NRXN2: variants seen among roughly 807,000 people sequenced by gnomAD.
The protein encoded by NRXN2 is neurexin 2.
A neutral mutation model predicts 128.8 loss-of-function variants in NRXN2; 29 were observed. The ratio of observed to expected loss-of-function variants is 0.23; its 90% CI spans 0.17 to 0.31. The LOEUF (loss-of-function observed/expected upper bound fraction) is 0.31. Among genes scored for constraint, NRXN2 ranks in the 10% least tolerant of loss-of-function variants. The pLI, the probability that NRXN2 is intolerant of heterozygous loss-of-function variation, is 1.00. For missense variants in NRXN2, 1,881 were observed against 2,452.6 expected (o/e 0.77, Z 4.92); for synonymous variants, 1,098 against 1,075.2 (o/e 1.02, Z -0.41).
intron 17 of NRXN2, among the ~76,000 whole-genome samples, chr11:64,638,687 CAATT>C (rs2045201140): frequency 6.6e-6 from 1 of 152,180 alleles, no homozygotes; most frequent in African/African-American, 2.4e-5. Flanking sequence ...TGGTGTAGAC[CAATT>C]GTTTTTGACC....
intron 3 of NRXN2, among the ~76,000 whole-genome samples, chr11:64,696,960 C>T (rs1256205509): frequency 1.3e-5 from 2 of 152,176 alleles, no homozygotes; most frequent in Non-Finnish European, 2.9e-5. Flanking sequence ...CAGAGAATGA[C>T]AGAAACCCAG....
In NRXN2 at chr11:64,607,100, G is replaced by T; in HGVS notation, c.*96C>A. On this transcript the variant is annotated 3_prime_UTR_variant, in exon 23 of 23. Transcript: ENST00000265459. ...GTAAGAGAAGCCTGAGGCAGCCAGG[G>T]AGAGGGTCCCCAGGCCCCTGGCAGG... 7.4e-7 allele frequency: 1 copy of T among 1,353,072 alleles called. No individual in the cohort carries two copies. Among genetic ancestry groups the T allele is most frequent in the African/African-American group, 1.4e-5 (1 of 69,094 alleles). 83.8% of individuals were successfully genotyped at this position (1,353,072 alleles called of 1,614,324 possible). A position where few individuals can be genotyped will look rare whatever the true frequency, so the allele number is the denominator to read the frequency against.
intron 6 of NRXN2, among the ~76,000 whole-genome samples, chr11:64,679,720 G>C (rs189389548): frequency 6.6e-6 from 1 of 152,258 alleles, no homozygotes; most frequent in East Asian, 1.9e-4. Flanking sequence ...AGAGATCCAG[G>C]CTACCTCTTA....
rs940526230 is a variant in NRXN2, at chr11:64,704,643, G to C, written c.731-6851C>G. ...ACACACAGAGAGAGAGAGAGAGAGA[G>C]AGAGAGAGAGAGAGAGAGAGAGAGA... On this transcript the variant is annotated intron_variant, in intron 2 of 22. Transcript: ENST00000265459. Among the ~76,000 whole-genome samples, 409 of 149,792 alleles carry C rather than the reference G, an allele frequency of 2.7e-3. 2 individuals carry two copies. The highest frequency in any genetic ancestry group is 8.3e-3 in the East Asian group (42 of 5,074).
chr11:64,703,982 G>A (rs2055849123), intron 2 of NRXN2, among the ~76,000 whole-genome samples: 1 of 152,166 alleles, frequency 6.6e-6, no homozygotes, highest in African/African-American at 2.4e-5. Context: ...GGCAGCCTAT[G>A]CTCTTACCCA....
intron 3 of NRXN2, among the ~76,000 whole-genome samples, chr11:64,695,912 C>T (rs1018052548): frequency 6.6e-6 from 1 of 152,088 alleles, no homozygotes; most frequent in Admixed American, 6.5e-5. Flanking sequence ...TCCTGTCTAT[C>T]AGCCCCTTTC....
chr11:64,643,410 G>C, intron 17 of NRXN2: 1 of 250,720 alleles, frequency 4.0e-6, no homozygotes, highest in Non-Finnish European at 6.0e-6. Context: ...GGTGAGGGGG[G>C]AATGAAGGGA....
At chr11:64,681,896 G>T (rs986460438) in intron 6 of NRXN2, among the ~76,000 whole-genome samples, 1 of 152,190 alleles carries the variant, frequency 6.6e-6, no homozygotes, top group African/African-American at 2.4e-5. Flanking sequence ...GGGCAGGAAG[G>T]AGAGGAAAGG....
intron 7 of NRXN2, among the ~76,000 whole-genome samples, chr11:64,668,996 C>G (rs1014395687): frequency 6.6e-6 from 1 of 152,118 alleles, no homozygotes; most frequent in Admixed American, 6.5e-5. Context: ...CACTTTTCTT[C>G]TCCTGAAGGT....
chr11:64,682,885 G>A (rs1207705401), intron 6 of NRXN2, among the ~76,000 whole-genome samples: 1 of 152,166 alleles, frequency 6.6e-6, no homozygotes, highest in East Asian at 1.9e-4. Flanking sequence ...AGGAGACACT[G>A]TCTCATCAGG....
chr11:64,674,230 G>T (rs571683914), intron 7 of NRXN2, among the ~76,000 whole-genome samples: 1 of 151,920 alleles, frequency 6.6e-6, no homozygotes, highest in South Asian at 2.1e-4. Context: ...CACTCTTGTT[G>T]CCCAGGCTGG....
intron 22 of NRXN2, among the ~76,000 whole-genome samples, chr11:64,611,503 T>G (rs1440518363): frequency 6.6e-6 from 1 of 152,184 alleles, no homozygotes; most frequent in Non-Finnish European, 1.5e-5. Context: ...TGAGGCCACA[T>G]CCTGCCCTAG....
chr11:64,707,105 G>A (rs1038979827), intron 2 of NRXN2, among the ~76,000 whole-genome samples: 3 of 152,074 alleles, frequency 2.0e-5, no homozygotes, highest in Non-Finnish European at 2.9e-5. Flanking sequence ...GGTCAGGTGC[G>A]GTGGCTCACA....
chr11:64,660,322 G>C lies in NRXN2; in HGVS notation c.2389+10C>G, dbSNP rs1359110117. 1.9e-6 allele frequency: 3 copies of C among 1,612,712 alleles called. No individual in the cohort carries two copies. Among genetic ancestry groups the C allele is most frequent in the Admixed American group, 3.3e-5 (2 of 60,024 alleles). On this transcript the variant is annotated intron_variant, in intron 11 of 22. Coordinates refer to ENST00000265459, the MANE Select transcript of NRXN2 (RefSeq NM_015080.4). This position sits in a 1 kb window ranked among gnomAD's most constrained non-coding sequence, Gnocchi z 5.2. ...GTGAGGGGTCAGGAAGCACAGGGCA[G>C]GGTGGTTACCGAGGTTGACAGTGAG... is the stretch of plus-strand genomic sequence containing the variant.
chr11:64,688,509 G>A (rs75868990), intron 5 of NRXN2: 2 of 985,292 alleles, frequency 2.0e-6, no homozygotes, highest in Non-Finnish European at 2.4e-6. Context: ...AGCCTGTAGG[G>A]GCGGCGGAGG....
intron 17 of NRXN2, chr11:64,642,433 C>T (rs1407906949): frequency 1.4e-5 from 20 of 1,426,034 alleles, no homozygotes; most frequent in Non-Finnish European, 1.8e-5. Context: ...GGGCCAGGCT[C>T]GGCGTGCACA....
intron 2 of NRXN2, among the ~76,000 whole-genome samples, chr11:64,702,008 G>A (rs1363380458): frequency 2.8e-4 from 42 of 148,824 alleles, no homozygotes; most frequent in Non-Finnish European, 5.1e-4. Flanking sequence ...AGGTGGGGGG[G>A]GTCAGCCCCC....
chr11:64,626,336 T>G, intron 20 of NRXN2, 127 bp downstream of exon 20: 1 of 721,168 alleles, frequency 1.4e-6, no homozygotes, highest in South Asian at 1.6e-5. Flanking sequence ...GCATTCTGGC[T>G]GGCCAATTGT....
chr11:64,719,384 G>A (rs1438447325), intron 1 of NRXN2, among the ~76,000 whole-genome samples: 1 of 152,212 alleles, frequency 6.6e-6, no homozygotes, highest in Admixed American at 6.5e-5. Context: ...CCTCAACTCT[G>A]CTGGTCAATT....
Sources: allele counts gnomAD v4.1 joint callset (sites outside exome capture counted in the v4.1 genomes callset), GRCh38; gene constraint gnomAD v4.1.1; non-coding constraint Gnocchi (gnomAD v3.1); transcripts MANE v1.5; gene names NCBI Gene and HGNC (gene_info 2026-07-23, HGNC 2026-07-21).